Variants in SMYD3 observed in about 807,000 individuals in gnomAD.
The protein encoded by SMYD3 is histone-lysine N-methyltransferase SMYD3.
Under a neutral mutation model 57.7 loss-of-function variants are expected in SMYD3, and 36 were observed. The ratio of observed to expected loss-of-function variants is 0.62; its 90% CI spans 0.48 to 0.82. The LOEUF is 0.82. Among genes scored for constraint, SMYD3 ranks in the 40% least tolerant of loss-of-function variants. SMYD3 has a pLI of 0.00. For missense variants in SMYD3, 515 were observed against 538.8 expected, an observed-to-expected ratio of 0.96 and a Z score of 0.44; for synonymous variants, 211 against 195.0, an observed-to-expected ratio of 1.08 and a Z score of -0.68.
chr1:246,045,966 C>T (rs565300624), intron 5 of SMYD3, among the ~76,000 whole-genome samples: 54 of 152,258 alleles, frequency 3.5e-4, no homozygotes, highest in African/African-American at 1.3e-3. Flanking sequence ...ATTAAAAAGT[C>T]AGGAAACAAC....
chr1:246,007,911 T>G (rs1250892529), intron 5 of SMYD3, among the ~76,000 whole-genome samples: 2 of 151,980 alleles, frequency 1.3e-5, no homozygotes, highest in African/African-American at 4.8e-5. Context: ...AGAAAAGAAC[T>G]AAACTGAAAT....
intron 5 of SMYD3, among the ~76,000 whole-genome samples, chr1:246,194,272 G>GTTT (rs372181316): frequency 9.7e-5 from 14 of 144,408 alleles, no homozygotes; most frequent in African/African-American, 3.1e-4. Context: ...GGGTTTTTTT[G>GTTT]TTTTTTTTTT....
At chr1:246,259,367 G>T (rs1236147952) in intron 5 of SMYD3, among the ~76,000 whole-genome samples, 1 of 152,152 alleles carries the variant, frequency 6.6e-6, no homozygotes, top group Non-Finnish European at 1.5e-5. Flanking sequence ...TTTTCATGTA[G>T]GTAGGATGTT....
At chr1:245,872,267 T>C (rs1409300638) in intron 8 of SMYD3, among the ~76,000 whole-genome samples, 1 of 152,200 alleles carries the variant, frequency 6.6e-6, no homozygotes, top group East Asian at 1.9e-4. Flanking sequence ...CTTTAACAGA[T>C]GTCCACAAGC....
chr1:246,101,081 T>TG lies in SMYD3; in HGVS notation c.532-171145_532-171144insC, dbSNP rs1252481310. On this transcript the variant is annotated intron_variant, in intron 5 of 11. Coordinates refer to ENST00000490107, the MANE Select transcript of SMYD3 (RefSeq NM_001167740.2). ...TTTTAGGGGTTTTTTGTTTTTTTTT[T>TG]TTTTTTTTTTTTTTTTTTTACAGAG... Among the ~76,000 whole-genome samples the TG allele has an allele frequency of 9.7e-5, 12 of 123,752 alleles. 1 individual carries two copies. In the South Asian group the frequency reaches 1.5e-3, roughly 15 times the overall value. 81.2% of individuals were successfully genotyped at this position (123,752 alleles called of 152,430 possible).
At chr1:246,407,145 C>T (rs891303661) in intron 1 of SMYD3, among the ~76,000 whole-genome samples, 2 of 133,642 alleles carry the variant, frequency 1.5e-5, no homozygotes, top group African/African-American at 5.9e-5. Flanking sequence ...GTGCTTATAT[C>T]CCACATTATC....
At chr1:245,951,523 C>T (rs963567293) in intron 5 of SMYD3, among the ~76,000 whole-genome samples, 4 of 136,708 alleles carry the variant, frequency 2.9e-5, no homozygotes, top group African/African-American at 1.2e-4. Flanking sequence ...GAGCCGAGAT[C>T]GCGCCCCTGC....
chr1:246,376,649 A>G (rs2066284492), intron 1 of SMYD3, among the ~76,000 whole-genome samples: 1 of 151,740 alleles, frequency 6.6e-6, no homozygotes, highest in African/African-American at 2.4e-5. Context: ...CATTACAATG[A>G]ACACATACTT....
rs943788964 is a variant in SMYD3 at position 246,355,694 on chromosome 1, A to C, written c.165-600T>G. On this transcript the variant is annotated intron_variant, in intron 1 of 11. Coordinates refer to ENST00000490107, the MANE Select transcript of SMYD3 (RefSeq NM_001167740.2). The surrounding 1 kb of genome is among the most constrained non-coding windows in gnomAD (Gnocchi z 5.0). ...GCTGGCTTTCCCCCACTTCTCTGGC[A>C]GCCTGTGTGACCCAGCAGAAGCAGC... Among the ~76,000 whole-genome samples the C allele has an allele frequency of 6.6e-6, 1 of 152,076 alleles. No individual in the cohort carries two copies. Among genetic ancestry groups the C allele is most frequent in the Non-Finnish European group, 1.5e-5 (1 of 68,008 alleles).
intron 5 of SMYD3, among the ~76,000 whole-genome samples, chr1:246,120,964 G>C (rs892519534): frequency 1.3e-5 from 2 of 152,134 alleles, no homozygotes; most frequent in Non-Finnish European, 1.5e-5. Context: ...CTACATGAAG[G>C]ATGGCTTTCT....
At chr1:246,377,455 C>T (rs1320377090) in intron 1 of SMYD3, among the ~76,000 whole-genome samples, 1 of 151,536 alleles carries the variant, frequency 6.6e-6, no homozygotes, top group Admixed American at 6.6e-5. Context: ...CCACAAACTC[C>T]GCCTCCCGGG....
chr1:246,193,835 C>G (rs1572191828), intron 5 of SMYD3: 1 of 152,238 alleles, frequency 6.6e-6, no homozygotes. Flanking sequence ...CTTTTTCTCC[C>G]TCTTTAATTC....
chr1:245,985,685 CT>C lies in SMYD3; in HGVS notation c.532-55749del, dbSNP rs563372148. Among the ~76,000 whole-genome samples the C allele has an allele frequency of 9.2e-5, 14 of 152,286 alleles. No homozygotes were observed. In the South Asian group the frequency reaches 2.9e-3, roughly 32 times the overall value. On this transcript the variant is annotated intron_variant, in intron 5 of 11. Coordinates refer to ENST00000490107, the MANE Select transcript of SMYD3 (RefSeq NM_001167740.2). ...TAACTGCATTTCTAGTCACCTCCTTCTCATATTTTAAGCTCCAATAACACCA... is the reference window on the plus strand; with the variant it reads ...TAACTGCATTTCTAGTCACCTCCTTCCATATTTTAAGCTCCAATAACACCA...
intron 3 of SMYD3, 90 bp from the exon 4 acceptor site, chr1:246,330,627 GA>G: frequency 9.3e-7 from 1 of 1,076,228 alleles, no homozygotes; most frequent in Non-Finnish European, 1.3e-6. Context: ...ATATTTAAAT[GA>G]AAGTCCATCA....
chr1:246,316,083 A>G (rs1261192641), intron 5 of SMYD3, among the ~76,000 whole-genome samples: 1 of 152,246 alleles, frequency 6.6e-6, no homozygotes, highest in South Asian at 2.1e-4. Flanking sequence ...CAGCCAAATC[A>G]TAATTTAAAG....
chr1:245,862,519 T>C lies in SMYD3; in HGVS notation c.901+1280A>G, dbSNP rs188465550. On this transcript the variant is annotated intron_variant, in intron 9 of 11. Coordinates refer to ENST00000490107, the MANE Select transcript of SMYD3 (RefSeq NM_001167740.2). The stretch of plus-strand genomic sequence containing the variant: ...TTGAACTCTTTTTTTTCTTTCGAGA[T>C]ACTGATTCTATCATCCCACCTCTAT... 1.3e-3 allele frequency among the ~76,000 whole-genome samples: 202 copies of C among 152,286 alleles called. 1 individual carries two copies. Among genetic ancestry groups the C allele is most frequent in the African/African-American group, 4.7e-3 (197 of 41,562 alleles).
intron 5 of SMYD3, among the ~76,000 whole-genome samples, chr1:246,073,533 A>G (rs2060493389): frequency 6.6e-6 from 1 of 152,012 alleles, no homozygotes; most frequent in South Asian, 2.1e-4. Flanking sequence ...CCTGGGCAAC[A>G]TGGCAAAACC....
chr1:245,947,138 G>T (rs912077317), intron 5 of SMYD3, among the ~76,000 whole-genome samples: 5 of 152,120 alleles, frequency 3.3e-5, no homozygotes, highest in African/African-American at 1.2e-4. Context: ...AACTAAAATG[G>T]ATGGCCTTTG....
At chr1:246,168,162 A>C (rs1296721929) in intron 5 of SMYD3, among the ~76,000 whole-genome samples, 1 of 152,218 alleles carries the variant, frequency 6.6e-6, no homozygotes, top group Non-Finnish European at 1.5e-5. Flanking sequence ...ATATGTAGTA[A>C]ATATTAAATA....
Sources: gnomAD v4.1 joint callset for allele counts (sites outside exome capture counted in the v4.1 genomes callset) on GRCh38, gnomAD v4.1.1 for gene constraint, Gnocchi (gnomAD v3.1) non-coding constraint, MANE v1.5 for transcripts, NCBI Gene and HGNC (gene_info 2026-07-23, HGNC 2026-07-21) for gene names.